STK32B: variants seen among roughly 807,000 people sequenced by gnomAD.
The protein encoded by STK32B is serine/threonine kinase 32B, also known as serine/threonine-protein kinase 32B.
A neutral mutation model predicts 52.6 loss-of-function variants in STK32B; 43 were observed. The ratio of observed to expected loss-of-function variants is 0.82; its 90% CI spans 0.64 to 1.05. STK32B has a LOEUF of 1.05. Among genes scored for constraint, STK32B ranks in the 50% least tolerant of loss-of-function variants. The probability of loss-of-function intolerance (pLI) is 0.00; values close to 1 mark genes in which losing one functional copy is unlikely to be tolerated. For missense variants in STK32B, 621 were observed against 534.6 expected (o/e 1.16, Z -1.59); for synonymous variants, 238 against 204.3 (o/e 1.17, Z -1.41).
At chr4:5,084,946 T>C (rs1342263656) in intron 1 of STK32B, among the ~76,000 whole-genome samples, 2 of 152,202 alleles carry the variant, frequency 1.3e-5, no homozygotes, top group Non-Finnish European at 2.9e-5. Context: ...AGCAAGGGCC[T>C]CTGGCATGAT....
At chr4:5,348,161 A>AG (rs1233951790) in intron 4 of STK32B, among the ~76,000 whole-genome samples, 2 of 152,088 alleles carry the variant, frequency 1.3e-5, no homozygotes, top group Non-Finnish European at 2.9e-5. Flanking sequence ...AAAAAGTGAG[A>AG]GACCCCTCAG....
chr4:5,305,440 T>G (rs912086239), intron 3 of STK32B, among the ~76,000 whole-genome samples: 1 of 152,104 alleles, frequency 6.6e-6, no homozygotes, highest in African/African-American at 2.4e-5. Flanking sequence ...TTCCAGGAAT[T>G]TATCTGGAAT....
intron 3 of STK32B, among the ~76,000 whole-genome samples, chr4:5,266,596 C>T (rs944894004): frequency 2.0e-5 from 3 of 152,184 alleles, no homozygotes. Context: ...TTCTGAAGAT[C>T]TGCAGTTTTC....
In STK32B at chr4:5,400,349, T is replaced by C. The variant is rs1560382396; in HGVS notation, c.472+2105T>C. ...AGCCTCCACCTCAGCCTTCCCCACA[T>C]TCTTTCTGCATCTCGTTCTGCCCCC... On this transcript the variant is annotated intron_variant, in intron 5 of 11. Transcript: ENST00000282908. This position sits in a 1 kb window ranked among gnomAD's most constrained non-coding sequence, Gnocchi z 6.1. Among the ~76,000 whole-genome samples, 2 of 152,118 alleles carry C rather than the reference T, an allele frequency of 1.3e-5. No homozygotes were observed. The highest frequency in any genetic ancestry group is 1.3e-4 in the Admixed American group (2 of 15,274).
In STK32B at chr4:5,456,888, A is replaced by G. The variant is rs1249392867; in HGVS notation, c.748A>G (p.Thr250Ala). 1 of 1,590,224 alleles carries G rather than the reference A, an allele frequency of 6.3e-7. No homozygotes were observed. Among genetic ancestry groups the G allele is most frequent in the Non-Finnish European group, 8.6e-7 (1 of 1,167,304 alleles). Residue 250 changes from threonine to alanine, a missense_variant, in exon 8 of 12, where the codon ACG becomes GCG. Thr to Ala is a moderately conservative substitution (Grantham distance 58, BLOSUM62 0). Coordinates refer to ENST00000282908, the MANE Select transcript of STK32B (RefSeq NM_018401.3). ...GGTGGAGCGTGTCCACTACTCCTCCACGTGGTGCAAGGGGATGGTGGCCCT... is the reference window on the plus strand; with the variant it reads ...GGTGGAGCGTGTCCACTACTCCTCCGCGTGGTGCAAGGGGATGGTGGCCCT... ...FKVERVHYSS[T>A]WCKGMVALLR...
Position 5,380,652 on chromosome 4 carries a change from T to A in STK32B, c.435-17555T>A, listed in dbSNP as rs903424671. 3.3e-5 allele frequency among the ~76,000 whole-genome samples: 5 copies of A among 152,162 alleles called. No homozygotes were observed. Among genetic ancestry groups the A allele is most frequent in the Admixed American group, 2.6e-4 (4 of 15,282 alleles). ...GTGGCTGGTGGCACAAGGCCCCACA[T>A]GAAGGAGGGTCCGTGTTTGATTTAA... On this transcript the variant is annotated intron_variant, in intron 4 of 11. Coordinates refer to ENST00000282908, the MANE Select transcript of STK32B (RefSeq NM_018401.3). This position sits in a 1 kb window ranked among gnomAD's most constrained non-coding sequence, Gnocchi z 4.3.
Position 5,400,560 on chromosome 4 carries a change from A to T in STK32B, c.472+2316A>T, listed in dbSNP as rs565222152. 1.3e-5 allele frequency among the ~76,000 whole-genome samples: 2 copies of T among 152,152 alleles called. No homozygotes were observed. Among genetic ancestry groups the T allele is most frequent in the Admixed American group, 6.5e-5 (1 of 15,282 alleles). On this transcript the variant is annotated intron_variant, in intron 5 of 11. Coordinates refer to ENST00000282908, the MANE Select transcript of STK32B (RefSeq NM_018401.3). This position sits in a 1 kb window ranked among gnomAD's most constrained non-coding sequence, Gnocchi z 6.1. ...GACAGAGCGTTGAATATAATATTTC[A>T]TACTGTGAGGTGAATGGCTGATAAC... is the stretch of plus-strand genomic sequence containing the variant.
intron 3 of STK32B, among the ~76,000 whole-genome samples, chr4:5,280,899 A>C (rs1728149853): frequency 6.6e-6 from 1 of 152,172 alleles, no homozygotes; most frequent in Non-Finnish European, 1.5e-5. Flanking sequence ...ACTCCATCTC[A>C]AAAACAAAAG....
the STK32B span, among the ~76,000 whole-genome samples, chr4:5,035,584 CAG>C: frequency 1.3e-5 from 2 of 152,152 alleles, no homozygotes; most frequent in African/African-American, 4.8e-5. Context: ...TGCTCTTTGT[CAG>C]AGTCAGGGAT....
intron 3 of STK32B, among the ~76,000 whole-genome samples, chr4:5,308,159 G>A (rs1730052390): frequency 6.6e-6 from 1 of 152,158 alleles, no homozygotes; most frequent in Non-Finnish European, 1.5e-5. Context: ...TGTATAGAGA[G>A]GATGAGGTGA....
chr4:5,327,154 A>G (rs1476938615), intron 3 of STK32B, among the ~76,000 whole-genome samples: 1 of 151,930 alleles, frequency 6.6e-6, no homozygotes, highest in Non-Finnish European at 1.5e-5. Flanking sequence ...TTCTGATTCT[A>G]GTACTTTTGC....
intron 5 of STK32B, among the ~76,000 whole-genome samples, chr4:5,413,840 A>G (rs1711920645): frequency 1.3e-5 from 2 of 152,174 alleles, no homozygotes; most frequent in South Asian, 4.1e-4. Context: ...AAACAAAACC[A>G]CTGATAACAA....
intron 3 of STK32B, among the ~76,000 whole-genome samples, chr4:5,174,002 T>C (rs1252498013): frequency 6.6e-6 from 1 of 152,216 alleles, no homozygotes; most frequent in Non-Finnish European, 1.5e-5. Flanking sequence ...ATTGGGTGCA[T>C]ATATATTTAG....
intron 3 of STK32B, among the ~76,000 whole-genome samples, chr4:5,286,262 A>ACCCAACAGATGAGCCAC (rs1728534074): frequency 6.6e-6 from 1 of 152,236 alleles, no homozygotes; most frequent in African/African-American, 2.4e-5. Flanking sequence ...GATGAGCCAC[A>ACCCAACAGATGAGCCAC]AAACTAGACT....
intron 3 of STK32B, among the ~76,000 whole-genome samples, chr4:5,224,823 GATTA>G (rs1243471345): frequency 5.3e-5 from 8 of 152,078 alleles, no homozygotes; most frequent in South Asian, 2.1e-4. Flanking sequence ...GAGTTGATAT[GATTA>G]ATTAATAATA....
intron 2 of STK32B, among the ~76,000 whole-genome samples, chr4:5,162,740 G>C (rs1261162656): frequency 6.6e-6 from 1 of 152,168 alleles, no homozygotes; most frequent in Non-Finnish European, 1.5e-5. Context: ...TGTGGAAAAA[G>C]GCTCTGAGCA....
At chr4:5,404,719 G>A (rs1353236316) in intron 5 of STK32B, among the ~76,000 whole-genome samples, 1 of 151,788 alleles carries the variant, frequency 6.6e-6, no homozygotes, top group Non-Finnish European at 1.5e-5. Flanking sequence ...ACACTTGGGA[G>A]CATAATGACC....
At chr4:5,054,269 G>T (rs1387841842) in intron 1 of STK32B, among the ~76,000 whole-genome samples, 2 of 152,152 alleles carry the variant, frequency 1.3e-5, no homozygotes, top group Non-Finnish European at 2.9e-5. Flanking sequence ...AAACCACCTG[G>T]AAAACACAGG....
chr4:5,484,379 A>C, intron 11 of STK32B, among the ~76,000 whole-genome samples: 1 of 152,020 alleles, frequency 6.6e-6, no homozygotes, highest in Non-Finnish European at 1.5e-5. Flanking sequence ...TGTTGGTTTA[A>C]AGTCTGTTTT....
Sources: allele counts gnomAD v4.1 joint callset (sites outside exome capture counted in the v4.1 genomes callset), GRCh38; gene constraint gnomAD v4.1.1; non-coding constraint Gnocchi (gnomAD v3.1); transcripts MANE v1.5; gene names NCBI Gene and HGNC (gene_info 2026-07-23, HGNC 2026-07-21).